RBM26: variants seen among roughly 807,000 people sequenced by gnomAD.
The protein encoded by RBM26 is RNA-binding protein 26.
Under a neutral mutation model 123.6 loss-of-function variants are expected in RBM26, and 30 were observed. The observed-to-expected ratio is 0.24, with a 90% CI of 0.18 to 0.33. The LOEUF is 0.33. Among genes scored for constraint, RBM26 ranks in the 10% least tolerant of loss-of-function variants. The pLI is 1.00. For missense variants in RBM26, 947 were observed against 1,203.6 expected (o/e 0.79, Z 3.15); for synonymous variants, 400 against 404.4 (o/e 0.99, Z 0.13).
intron 1 of RBM26, among the ~76,000 whole-genome samples, chr13:79,398,276 ATAAC>A (rs1227747721): frequency 1.3e-5 from 2 of 152,230 alleles, no homozygotes; most frequent in East Asian, 1.9e-4. Context: ...GGTTATGTAC[ATAAC>A]TAACATGGGA....
At chr13:79,393,073 A>G (rs1160496246) in intron 1 of RBM26, among the ~76,000 whole-genome samples, 1 of 152,222 alleles carries the variant, frequency 6.6e-6, no homozygotes, top group South Asian at 2.1e-4. Context: ...CTCATGAGTA[A>G]TTCTGGGAGC....
exon 5 of RBM26, chr13:79,311,955 T>C (rs1192274802): frequency 6.6e-6 from 1 of 152,058 alleles, no homozygotes; most frequent in Non-Finnish European, 1.5e-5. Context: ...CATTTAACAC[T>C]ATAAACATTC....
intron 14 of RBM26, among the ~76,000 whole-genome samples, chr13:79,349,352 C>A (rs2139352040): frequency 6.6e-6 from 1 of 152,250 alleles, no homozygotes; most frequent in East Asian, 1.9e-4. Flanking sequence ...CTGTCCTCAG[C>A]CACTGGTAAC....
chr13:79,330,613 T>C (rs1480424351), intron 20 of RBM26, among the ~76,000 whole-genome samples: 1 of 152,158 alleles, frequency 6.6e-6, no homozygotes, highest in African/African-American at 2.4e-5. Context: ...CTTACGTTTT[T>C]AGTAACGATA....
intron 3 of RBM26, 59 bp from the exon 4 acceptor site, chr13:79,371,989 C>A (rs1159924017): frequency 2.5e-6 from 3 of 1,200,428 alleles, no homozygotes; most frequent in Non-Finnish European, 3.6e-6. Flanking sequence ...TGTTAAATAG[C>A]CTTAGATAGG....
At chr13:79,355,793 C>G (rs1353399705) in intron 11 of RBM26, among the ~76,000 whole-genome samples, 4 of 152,062 alleles carry the variant, frequency 2.6e-5, no homozygotes, top group African/African-American at 9.7e-5. Flanking sequence ...ACAGAAAAAT[C>G]CATCTGAACA....
chr13:79,401,571 G>A (rs770930667), intron 1 of RBM26, among the ~76,000 whole-genome samples: 2 of 152,160 alleles, frequency 1.3e-5, no homozygotes, highest in Non-Finnish European at 2.9e-5. Context: ...TAACAACAAT[G>A]CATACAGTTT....
chr13:79,355,040 T>C (rs965862599), intron 12 of RBM26, among the ~76,000 whole-genome samples, 180 bp downstream of exon 12: 1 of 152,142 alleles, frequency 6.6e-6, no homozygotes, highest in African/African-American at 2.4e-5. Context: ...AACATCACAA[T>C]TATGAGAGAA....
At chr13:79,405,660 C>G in intron 1 of RBM26, 44 bp downstream of exon 1, 4 of 1,409,366 alleles carry the variant, frequency 2.8e-6, no homozygotes, top group Non-Finnish European at 4.0e-6. Context: ...GTCCGCCTAT[C>G]TCCCACTGCC....
chr13:79,328,631 A>G (rs573306026), intron 20 of RBM26, among the ~76,000 whole-genome samples: 1 of 150,602 alleles, frequency 6.6e-6, no homozygotes, highest in South Asian at 2.1e-4. Flanking sequence ...AAATTCATAA[A>G]AATATAAGCT....
At position 79,344,653 on chromosome 13, in the gene RBM26, T is replaced by C. The variant is rs1394215099; in HGVS notation, c.2184+16A>G. On this transcript the variant is annotated intron_variant, in intron 15 of 21. Coordinates refer to ENST00000438737, the MANE Select transcript of RBM26 (RefSeq NM_001366735.2). ...CTATATGCAAAAATTTTTTATACTA[T>C]ACCAGTTGTACTTACCTGTTTTTTT... The C allele has an allele frequency of 1.2e-6, 2 of 1,603,656 alleles. No individual in the cohort carries two copies. The highest frequency in any genetic ancestry group is 8.5e-7 in the Non-Finnish European group (1 of 1,175,980).
chr13:79,325,946 T>TA (rs1389377840), intron 20 of RBM26, among the ~76,000 whole-genome samples: 1 of 152,174 alleles, frequency 6.6e-6, no homozygotes, highest in Non-Finnish European at 1.5e-5. Flanking sequence ...CCTACACAAA[T>TA]ACTTACCATT....
At chr13:79,338,290 T>A (rs2070798233) in intron 18 of RBM26, among the ~76,000 whole-genome samples, 1 of 152,210 alleles carries the variant, frequency 6.6e-6, no homozygotes, top group African/African-American at 2.4e-5. Flanking sequence ...GCTTTAAGAT[T>A]CGAAAAGAAC....
chr13:79,378,945 A>C lies in RBM26; in HGVS notation c.72-38T>G, dbSNP rs764979969. The C allele has an allele frequency of 1.3e-5, 16 of 1,215,144 alleles. No homozygotes were observed. In the East Asian group the frequency reaches 3.5e-4, roughly 26 times the overall value. 75.3% of individuals were successfully genotyped at this position (1,215,144 alleles called of 1,614,324 possible). On this transcript the variant is annotated intron_variant, in intron 1 of 21. Transcript: ENST00000438737. Reference sequence around the variant, plus strand: ...ACCAATGTTGAAGAAAATTTAGCCAACTGCACATTCTACAAATTCCAGTTA... The same window carrying C: ...ACCAATGTTGAAGAAAATTTAGCCACCTGCACATTCTACAAATTCCAGTTA...
At position 79,394,207 on chromosome 13, in the gene RBM26, C is replaced by T. The variant is rs186597324; in HGVS notation, c.71+11497G>A. On this transcript the variant is annotated intron_variant, in intron 1 of 21. Transcript: ENST00000438737. ...GAACTGCCGCTCTGCTAGCTCCTTA[C>T]GACTTACCATATGCTTTCCATTCCA... Among the ~76,000 whole-genome samples the T allele has an allele frequency of 1.3e-3, 204 of 152,344 alleles. 1 individual carries two copies. The highest frequency in any genetic ancestry group is 0.013 in the South Asian group (63 of 4,824).
intron 16 of RBM26, among the ~76,000 whole-genome samples, chr13:79,343,872 G>A (rs1209986893): frequency 6.6e-6 from 1 of 151,706 alleles, no homozygotes; most frequent in East Asian, 1.9e-4. Context: ...AGTCAGATGT[G>A]GCTATAGACA....
chr13:79,372,062 C>A, intron 3 of RBM26, 132 bp from the exon 4 acceptor site: 1 of 620,386 alleles, frequency 1.6e-6, no homozygotes, highest in East Asian at 2.9e-5. Context: ...GGGTGGTTCA[C>A]GAAGTCGGAA....
At chr13:79,317,034 T>C (rs9545065), downstream of RBM26, among the ~76,000 whole-genome samples, 76,527 of 151,468 alleles carry the variant, frequency 0.51, 19,738 homozygotes, top group Middle Eastern at 0.6. Context: ...TAAATCCATA[T>C]TGGTGAGAGA....
intron 20 of RBM26, among the ~76,000 whole-genome samples, chr13:79,324,291 A>G (rs1027706665): frequency 3.3e-5 from 5 of 151,880 alleles, no homozygotes; most frequent in Non-Finnish European, 5.9e-5. Flanking sequence ...TATTAACCCA[A>G]TTCTTTTCAT....
Sources: gnomAD v4.1 joint callset for allele counts (sites outside exome capture counted in the v4.1 genomes callset) on GRCh38, gnomAD v4.1.1 for gene constraint, MANE v1.5 for transcripts, NCBI Gene and HGNC (gene_info 2026-07-23, HGNC 2026-07-21) for gene names.